HECW1: variants seen among roughly 807,000 people sequenced by gnomAD.
The protein encoded by HECW1 is HECT, C2 and WW domain containing E3 ubiquitin protein ligase 1, also known as E3 ubiquitin-protein ligase HECW1.
Under a neutral mutation model 182.3 loss-of-function variants are expected in HECW1, and 61 were observed. The ratio of observed to expected loss-of-function variants is 0.33; its 90% CI spans 0.27 to 0.41. The LOEUF (loss-of-function observed/expected upper bound fraction) is 0.41. Among genes scored for constraint, HECW1 ranks in the 10% least tolerant of loss-of-function variants. The probability of loss-of-function intolerance (pLI) is 1.00; values close to 1 mark genes in which losing one functional copy is unlikely to be tolerated. For synonymous variants in HECW1, 859 were observed against 832.6 expected (o/e 1.03, Z -0.55); for missense variants, 1,739 against 2,108.9 (o/e 0.82, Z 3.44).
chr7:43,264,501 G>A (rs1801523142), intron 3 of HECW1, among the ~76,000 whole-genome samples: 1 of 151,976 alleles, frequency 6.6e-6, no homozygotes, highest in Admixed American at 6.6e-5. Flanking sequence ...TCTACATTTT[G>A]CTTTTATGTT....
chr7:43,222,613 C>T (rs1239849522), intron 2 of HECW1, among the ~76,000 whole-genome samples: 1 of 152,152 alleles, frequency 6.6e-6, no homozygotes, highest in Non-Finnish European at 1.5e-5. Flanking sequence ...TGTTCTTCTT[C>T]CATAGAGAGC....
chr7:43,315,774 G>A (rs1348366519), intron 4 of HECW1, among the ~76,000 whole-genome samples: 12 of 152,268 alleles, frequency 7.9e-5, no homozygotes, highest in Admixed American at 5.2e-4. Flanking sequence ...GATTACAGGC[G>A]TGATCCACCG....
intron 24 of HECW1, among the ~76,000 whole-genome samples, chr7:43,523,972 CTT>C (rs2080646131): frequency 6.6e-6 from 1 of 151,980 alleles, no homozygotes; most frequent in African/African-American, 2.4e-5. Flanking sequence ...AGGCAAAAAA[CTT>C]CACTTTTGAC....
chr7:43,274,614 A>G, intron 3 of HECW1: 1 of 399,574 alleles, frequency 2.5e-6, no homozygotes. Context: ...TGTGCCCCAA[A>G]TAAACTCAGG....
chr7:43,472,808 T>G (rs2078075527), intron 16 of HECW1, among the ~76,000 whole-genome samples: 1 of 152,124 alleles, frequency 6.6e-6, no homozygotes, highest in Non-Finnish European at 1.5e-5. Context: ...TACAAAAGAT[T>G]AAAAATCAGA....
intron 17 of HECW1, among the ~76,000 whole-genome samples, chr7:43,480,104 C>G (rs1157827496): frequency 6.6e-6 from 1 of 152,200 alleles, no homozygotes; most frequent in African/African-American, 2.4e-5. Context: ...GTATGTCTGA[C>G]TAACTTTAAA....
chr7:43,487,375 A>G (rs926803965), intron 17 of HECW1, among the ~76,000 whole-genome samples: 9 of 152,214 alleles, frequency 5.9e-5, no homozygotes, highest in Non-Finnish European at 1.2e-4. Flanking sequence ...CACATTTACA[A>G]TTATGATGAA....
At chr7:43,120,290 C>A (rs1392686216) in intron 2 of HECW1, among the ~76,000 whole-genome samples, 1 of 152,124 alleles carries the variant, frequency 6.6e-6, no homozygotes, top group Non-Finnish European at 1.5e-5. Context: ...TCCTGACCCC[C>A]TTTATCAGAT....
At chr7:43,406,006 C>T (rs1562940552) in intron 7 of HECW1, among the ~76,000 whole-genome samples, 1 of 152,196 alleles carries the variant, frequency 6.6e-6, no homozygotes, top group African/African-American at 2.4e-5. Flanking sequence ...TTGCGCATGC[C>T]TCCTCTTCCT....
At chr7:43,477,197 G>A (rs2078250591) in intron 16 of HECW1, among the ~76,000 whole-genome samples, 1 of 152,094 alleles carries the variant, frequency 6.6e-6, no homozygotes, top group South Asian at 2.1e-4. Flanking sequence ...ATTATAAAGA[G>A]GAAGATTCAT....
intron 2 of HECW1, among the ~76,000 whole-genome samples, chr7:43,239,414 C>A (rs1318636498): frequency 6.6e-6 from 1 of 152,078 alleles, no homozygotes; most frequent in Non-Finnish European, 1.5e-5. Context: ...CTTTCCCTTC[C>A]TTCATGTACC....
chr7:43,180,385 A>T (rs564830551), intron 2 of HECW1, among the ~76,000 whole-genome samples: 1 of 147,778 alleles, frequency 6.8e-6, no homozygotes, highest in East Asian at 2.0e-4. Flanking sequence ...TTATTATTTT[A>T]TTTTTTTATT....
At chr7:43,150,252 C>T (rs1013784085) in intron 2 of HECW1, among the ~76,000 whole-genome samples, 4 of 152,212 alleles carry the variant, frequency 2.6e-5, no homozygotes, top group Admixed American at 2.6e-4. Context: ...ACCAAGGTTA[C>T]TTAACTTTCT....
At chr7:43,393,577 T>C (rs1465972848) in intron 6 of HECW1, among the ~76,000 whole-genome samples, 1 of 152,198 alleles carries the variant, frequency 6.6e-6, no homozygotes, top group East Asian at 1.9e-4. Context: ...ATGATGTTAG[T>C]GAAAAGCCAA....
chr7:43,308,114 CATATAATATATTTAT>C (rs1333889557), intron 3 of HECW1, among the ~76,000 whole-genome samples: 2 of 93,896 alleles, frequency 2.1e-5, no homozygotes, highest in Non-Finnish European at 3.8e-5. Context: ...TATAATATAA[CATATAATATATTTAT>C]ATATAATATA....
chr7:43,451,106 G>GT (rs1343264659), intron 12 of HECW1, among the ~76,000 whole-genome samples, 177 bp downstream of exon 12: 1 of 152,080 alleles, frequency 6.6e-6, no homozygotes, highest in African/African-American at 2.4e-5. Context: ...TTTTTAGTTT[G>GT]TTTTTTTGAC....
rs776126992 is a variant in HECW1, at chr7:43,554,699, G to A, written c.4618G>A (p.Val1540Met). The change falls in exon 29 of 30, where the codon GTG becomes ATG. Residue 1540 changes from valine to methionine, a missense_variant. By Grantham distance (21) the Val-to-Met change is conservative. This residue lies in a region of HECW1 where 420 missense variants were observed against 595.7 expected (regional missense o/e 0.71). Coordinates refer to ENST00000395891, the MANE Select transcript of HECW1 (RefSeq NM_015052.5). ...LLQFVTGTSSVPYEGFAALRG... is the reference protein window; with the variant it reads ...LLQFVTGTSSMPYEGFAALRG... ...GCAGTTTGTCACGGGAACATCCAGC[G>A]TGCCCTACGAAGGCTTCGCAGCCCT... 17 of 1,614,018 alleles carry A rather than the reference G, an allele frequency of 1.1e-5. No homozygotes were observed. The highest frequency in any genetic ancestry group is 1.6e-4 in the Middle Eastern group (1 of 6,084).
chr7:43,288,735 C>A (rs1235777966), intron 3 of HECW1, among the ~76,000 whole-genome samples: 1 of 152,156 alleles, frequency 6.6e-6, no homozygotes, highest in Non-Finnish European at 1.5e-5. Flanking sequence ...ATTCACCCAC[C>A]CTCTCTTGTC....
chr7:43,436,397 A>G (rs1045318835), intron 8 of HECW1, among the ~76,000 whole-genome samples: 1 of 152,084 alleles, frequency 6.6e-6, no homozygotes, highest in Non-Finnish European at 1.5e-5. Flanking sequence ...AGACCACCAA[A>G]CAGGCTTTGT....
Sources: gnomAD v4.1 joint callset for allele counts (sites outside exome capture counted in the v4.1 genomes callset) on GRCh38, gnomAD v4.1.1 for gene constraint, gnomAD v4.1.1 regional missense constraint, MANE v1.5 for transcripts, NCBI Gene and HGNC (gene_info 2026-07-23, HGNC 2026-07-21) for gene names.